Variants in PAWR observed in about 807,000 individuals in gnomAD.
PAWR encodes the protein PRKC apoptosis WT1 regulator protein.
Under a neutral mutation model 32.0 loss-of-function variants are expected in PAWR, and 23 were observed. That is an observed-to-expected ratio of 0.72 (90% confidence interval 0.52 to 1.02). The LOEUF (loss-of-function observed/expected upper bound fraction) is 1.02. Ranked by LOEUF, PAWR falls within the 50% of genes least tolerant of loss-of-function variation. PAWR has a pLI of 0.00. For synonymous variants in PAWR, 226 were observed against 187.1 expected (o/e 1.21, Z -1.70); for missense variants, 457 against 437.7 (o/e 1.04, Z -0.39).
chr12:79,598,543 C>T (rs1873845149), intron 4 of PAWR, among the ~76,000 whole-genome samples: 1 of 152,118 alleles, frequency 6.6e-6, no homozygotes, highest in Admixed American at 6.6e-5. Flanking sequence ...TCGAAAGTGA[C>T]TTCTCGTTTT....
Position 79,601,505 on chromosome 12 carries a change from C to T in PAWR, c.684-4847G>A, listed in dbSNP as rs542176662. Among the ~76,000 whole-genome samples the T allele has an allele frequency of 5.9e-5, 9 of 152,092 alleles. No homozygotes were observed. In the South Asian group the frequency reaches 1.7e-3, roughly 28 times the overall value. ...GAAGTCTGAGCTACCACGCCTGGCC[C>T]TGAAAGCTATTTTATGGAAGAATTT... On this transcript the variant is annotated intron_variant, in intron 4 of 6. Transcript: ENST00000328827.
intron 2 of PAWR, among the ~76,000 whole-genome samples, chr12:79,653,575 G>T (rs373606796): frequency 1.4e-4 from 21 of 152,298 alleles, no homozygotes; most frequent in African/African-American, 5.1e-4. Context: ...CACTGCCCAG[G>T]TTCAAGCGAT....
chr12:79,689,095 G>C (rs1485611290), intron 2 of PAWR, among the ~76,000 whole-genome samples: 2 of 152,182 alleles, frequency 1.3e-5, no homozygotes, highest in Non-Finnish European at 2.9e-5. Context: ...GAACAGAATT[G>C]TGGGTTACTA....
At chr12:79,676,262 C>A (rs1280427265) in intron 2 of PAWR, among the ~76,000 whole-genome samples, 1 of 152,060 alleles carries the variant, frequency 6.6e-6, no homozygotes, top group Non-Finnish European at 1.5e-5. Flanking sequence ...ATTAATATGG[C>A]CTGCTTATTC....
In PAWR at chr12:79,623,080, G is replaced by T. The variant is rs556530493; in HGVS notation, c.517-1873C>A. Among the ~76,000 whole-genome samples, 5 of 152,202 alleles carry T rather than the reference G, an allele frequency of 3.3e-5. No homozygotes were observed. The South Asian group carries it at 1.0e-3, about 32-fold the overall frequency. On this transcript the variant is annotated intron_variant, in intron 2 of 6. Transcript: ENST00000328827. ...AAGAACCTGGAAATAGCAATGCAGA[G>T]AACAGGAACAAGACCAAAAGTGAAA...
intron 3 of PAWR, 43 bp downstream of exon 3, chr12:79,621,033 C>T: frequency 6.7e-7 from 1 of 1,482,852 alleles, no homozygotes; most frequent in Non-Finnish European, 9.1e-7. Context: ...GAAAAATTGC[C>T]ATTAAAATAG....
chr12:79,662,201 C>CAAAAAA (rs57565065), intron 2 of PAWR, among the ~76,000 whole-genome samples: 3 of 45,704 alleles, frequency 6.6e-5, no homozygotes, highest in African/African-American at 1.4e-4. Context: ...AGACATCTCT[C>CAAAAAA]AAAAAAAAAA....
intron 4 of PAWR, among the ~76,000 whole-genome samples, chr12:79,600,636 C>A (rs1291961060): frequency 6.7e-6 from 1 of 149,188 alleles, no homozygotes; most frequent in Admixed American, 6.7e-5. Context: ...CATATGCCAC[C>A]ACCATACCTG....
At chr12:79,607,627 GCCAAA>G (rs1302773405) in intron 4 of PAWR, among the ~76,000 whole-genome samples, 1 of 151,728 alleles carries the variant, frequency 6.6e-6, no homozygotes, top group Non-Finnish European at 1.5e-5. Context: ...CACTTGGGAG[GCCAAA>G]GCTGGAGGAT....
chr12:79,654,276 C>T (rs1013493908), intron 2 of PAWR, among the ~76,000 whole-genome samples: 1 of 152,124 alleles, frequency 6.6e-6, no homozygotes, highest in Admixed American at 6.5e-5. Context: ...GAGACATGGG[C>T]TTGTCAATCT....
intron 2 of PAWR, among the ~76,000 whole-genome samples, chr12:79,672,555 T>C (rs1021100130): frequency 5.3e-5 from 8 of 152,288 alleles, no homozygotes; most frequent in Middle Eastern, 3.4e-3. Context: ...ATATAGAGGC[T>C]TTCCTTGCCA....
At chr12:79,638,391 T>C (rs1323427656) in intron 2 of PAWR, among the ~76,000 whole-genome samples, 1 of 152,194 alleles carries the variant, frequency 6.6e-6, no homozygotes, top group Non-Finnish European at 1.5e-5. Flanking sequence ...TGGTAATCTT[T>C]GTCCAACATA....
intron 4 of PAWR, among the ~76,000 whole-genome samples, chr12:79,607,728 C>CAAA (rs566552836): frequency 1.6e-5 from 2 of 127,084 alleles, no homozygotes; most frequent in African/African-American, 2.7e-5. Flanking sequence ...GACCTTGTCT[C>CAAA]AAAAAAAAAA....
chr12:79,616,247 TCA>T (rs1874727377), intron 3 of PAWR, among the ~76,000 whole-genome samples: 1 of 152,066 alleles, frequency 6.6e-6, no homozygotes, highest in Non-Finnish European at 1.5e-5. Flanking sequence ...TTCTAAAACA[TCA>T]CACATCATTT....
chr12:79,688,797 G>C (rs750799608), intron 2 of PAWR, among the ~76,000 whole-genome samples: 1 of 152,174 alleles, frequency 6.6e-6, no homozygotes, highest in Non-Finnish European at 1.5e-5. Flanking sequence ...AACAGTCAAT[G>C]AGAAAAAGAT....
intron 4 of PAWR, among the ~76,000 whole-genome samples, chr12:79,601,131 C>A (rs968204985): frequency 6.6e-6 from 1 of 151,554 alleles, no homozygotes; most frequent in African/African-American, 2.4e-5. Context: ...ACAGAAAACT[C>A]CAATATGGCT....
intron 5 of PAWR, among the ~76,000 whole-genome samples, chr12:79,595,062 A>G (rs1217030395): frequency 6.6e-6 from 1 of 152,070 alleles, no homozygotes; most frequent in Non-Finnish European, 1.5e-5. Context: ...GTTATGAACT[A>G]CCTTATTTTT....
In PAWR at chr12:79,588,962, A is replaced by G. The variant is rs1043109730; in HGVS notation, c.*3645T>C. On this transcript the variant is annotated 3_prime_UTR_variant, in exon 7 of 7. Transcript: ENST00000328827. ...AGCAAACTGTTAGTTGTCTATTAGTATTATGTTTTCGGCTTAATGTAACAA... is the reference window on the plus strand; with the variant it reads ...AGCAAACTGTTAGTTGTCTATTAGTGTTATGTTTTCGGCTTAATGTAACAA... The G allele has an allele frequency of 6.6e-6, 1 of 152,024 alleles. No homozygotes were observed. Among genetic ancestry groups the G allele is most frequent in the African/African-American group, 2.4e-5 (1 of 41,434 alleles). 9.4% of individuals were successfully genotyped at this position (152,024 alleles called of 1,614,324 possible).
In PAWR at chr12:79,596,547, A is replaced by C. The variant is rs766666685; in HGVS notation, c.795T>G (p.Ser265Arg). Reference protein sequence around the residue: ...DANVSGTLVSSSTLEKKIEDL... With the variant: ...DANVSGTLVSRSTLEKKIEDL... The stretch of plus-strand genomic sequence containing the variant: ...CTTCAATTTTCTTTTCCAGTGTGCT[A>C]CTTGAAACCAGAGTACCTGAAACAT... Residue 265 changes from serine to arginine, a missense_variant, in exon 5 of 7, where the codon AGT becomes AGG. Physicochemically the swap from Ser to Arg is moderately radical, Grantham distance 110 (BLOSUM62 -1). Coordinates refer to ENST00000328827, the MANE Select transcript of PAWR (RefSeq NM_002583.4). 6.3e-7 allele frequency: 1 copy of C among 1,592,658 alleles called. No individual in the cohort carries two copies. The highest frequency in any genetic ancestry group is 1.3e-5 in the African/African-American group (1 of 74,476).
Sources: gnomAD v4.1 joint callset for allele counts (sites outside exome capture counted in the v4.1 genomes callset) on GRCh38, gnomAD v4.1.1 for gene constraint, MANE v1.5 for transcripts, NCBI Gene and HGNC (gene_info 2026-07-23, HGNC 2026-07-21) for gene names.